Variants in STEAP3 observed in about 807,000 individuals in gnomAD.
STEAP3 encodes metalloreductase STEAP3.
A neutral mutation model predicts 34.9 loss-of-function variants in STEAP3; 35 were observed. That is an observed-to-expected ratio of 1.00 (90% CI 0.76 to 1.33). The LOEUF (loss-of-function observed/expected upper bound fraction) is 1.33. STEAP3 is among the 40% of genes most tolerant of loss of function. STEAP3 has a pLI of 0.00. For synonymous variants in STEAP3, 281 were observed against 301.6 expected, an observed-to-expected ratio of 0.93 and a Z score of 0.71; for missense variants, 652 against 667.6, an observed-to-expected ratio of 0.98 and a Z score of 0.26.
chr2:119,247,076 GTGCTTGGGGATCTGAGGAC>G (rs1677450769), intron 3 of STEAP3, among the ~76,000 whole-genome samples: 1 of 152,176 alleles, frequency 6.6e-6, no homozygotes, highest in African/African-American at 2.4e-5. Context: ...GGCCCACGGG[GTGCTTGGGGATCTGAGGAC>G]TGCAATGTGC....
At chr2:119,250,348 C>T (rs1356142604) in intron 4 of STEAP3, among the ~76,000 whole-genome samples, 1 of 152,258 alleles carries the variant, frequency 6.6e-6, no homozygotes. Flanking sequence ...TCTCCAGCAT[C>T]GCTGACTGGA....
Position 119,249,014 on chromosome 2 carries a change from C to T in STEAP3, c.1050+808C>T, listed in dbSNP as rs112691057. 4.8e-3 allele frequency: 725 copies of T among 152,218 alleles called. 4 individuals are homozygous for T. Among genetic ancestry groups the T allele is most frequent in the Admixed American group, 5.7e-3 (87 of 15,234 alleles). The allele number at this position is 152,218 out of a possible 1,614,324, so 9.4% of individuals were successfully genotyped here. ...GTGAAGCTGGAGTGCATGGAATTGCCGCTGGAATGGCCCCAGGGTTTTGTG... is the reference window on the plus strand; with the variant it reads ...GTGAAGCTGGAGTGCATGGAATTGCTGCTGGAATGGCCCCAGGGTTTTGTG... On this transcript the variant is annotated intron_variant, in intron 4 of 5. Coordinates refer to ENST00000393110, the MANE Select transcript of STEAP3 (RefSeq NM_182915.3).
intron 5 of STEAP3, among the ~76,000 whole-genome samples, chr2:119,260,866 C>A (rs1677922409): frequency 1.3e-5 from 2 of 152,130 alleles, no homozygotes; most frequent in Admixed American, 6.5e-5. Flanking sequence ...TCGTGGTGAG[C>A]CAGAAGTTGT....
intron 4 of STEAP3, among the ~76,000 whole-genome samples, chr2:119,249,605 C>T (rs1400527025): frequency 6.6e-6 from 1 of 152,090 alleles, no homozygotes; most frequent in African/African-American, 2.4e-5. Context: ...GAGGCTGGGC[C>T]CTCCCCTAAA....
In STEAP3 at chr2:119,263,515, G is replaced by A. The variant is rs937482150; in HGVS notation, c.*177G>A. 6.4e-6 allele frequency: 5 copies of A among 786,348 alleles called. No individual in the cohort carries two copies. In the African/African-American group the frequency reaches 8.7e-5, roughly 14 times the overall value. 48.7% of individuals were successfully genotyped at this position (786,348 alleles called of 1,614,324 possible). On this transcript the variant is annotated 3_prime_UTR_variant, in exon 6 of 6. Transcript: ENST00000393110. Reference sequence around the variant, plus strand: ...TATTCAGAATGATATACACACATATGTGTATATGTATTTACATATATTCCA... The same window carrying A: ...TATTCAGAATGATATACACACATATATGTATATGTATTTACATATATTCCA...
intron 2 of STEAP3, among the ~76,000 whole-genome samples, chr2:119,234,512 A>T (rs1164810074): frequency 2.6e-5 from 4 of 152,144 alleles, no homozygotes; most frequent in Non-Finnish European, 5.9e-5. Context: ...TCATCCCCTC[A>T]TTCCAGCACT....
intron 2 of STEAP3, among the ~76,000 whole-genome samples, chr2:119,233,241 T>C (rs935827953): frequency 6.6e-6 from 1 of 152,196 alleles, no homozygotes; most frequent in East Asian, 1.9e-4. Flanking sequence ...CTTCCATGAG[T>C]ACCCCCATAC....
At chr2:119,254,882 G>A in intron 5 of STEAP3, 34 bp downstream of exon 5, 1 of 1,604,126 alleles carries the variant, frequency 6.2e-7, no homozygotes, top group Non-Finnish European at 8.5e-7. Context: ...GCCAGCTTCA[G>A]CGTGGCCCTG....
At chr2:119,255,466 C>T (rs1677748502) in intron 5 of STEAP3, among the ~76,000 whole-genome samples, 1 of 152,136 alleles carries the variant, frequency 6.6e-6, no homozygotes, top group Admixed American at 6.5e-5. Flanking sequence ...TTTACTTCCC[C>T]CTAAGAGATC....
At chr2:119,257,342 G>C in intron 5 of STEAP3, 1 of 1,311,668 alleles carries the variant, frequency 7.6e-7, no homozygotes, top group Non-Finnish European at 9.9e-7. Context: ...AGCCCTCTTG[G>C]AGAAACAGAG....
chr2:119,247,865 T>G lies in STEAP3; in HGVS notation c.709T>G (p.Tyr237Asp). ...LLALGLFVCF[Y>D]AYNFVRDVLQ... ...GGCCCTGGGGCTCTTCGTCTGCTTCTATGCCTACAACTTCGTCCGGGACGT... is the reference window on the plus strand; with the variant it reads ...GGCCCTGGGGCTCTTCGTCTGCTTCGATGCCTACAACTTCGTCCGGGACGT... The change falls in exon 4 of 6, where the codon TAT becomes GAT. Residue 237 changes from tyrosine (Y) to aspartate (D), a missense_variant. Coordinates refer to ENST00000393110, the MANE Select transcript of STEAP3 (RefSeq NM_182915.3). 6.2e-7 allele frequency: 1 copy of G among 1,613,796 alleles called. No individual in the cohort carries two copies. The highest frequency in any genetic ancestry group is 8.5e-7 in the Non-Finnish European group (1 of 1,180,002).
At chr2:119,258,838 G>A (rs1190086475) in intron 5 of STEAP3, among the ~76,000 whole-genome samples, 7 of 147,552 alleles carry the variant, frequency 4.7e-5, no homozygotes, top group Non-Finnish European at 3.0e-5. Context: ...TAGGCAGGAT[G>A]GTCTCAATCT....
intron 2 of STEAP3, chr2:119,244,788 CAA>C: frequency 6.6e-6 from 1 of 152,158 alleles, no homozygotes; most frequent in Non-Finnish European, 1.5e-5. Context: ...TTGGGCTCAG[CAA>C]AGAAGATCAC....
chr2:119,254,829 G>A lies in STEAP3; in HGVS notation c.1196G>A (p.Arg399Lys), dbSNP rs41279768. 3,934 of 1,614,118 alleles carry A rather than the reference G, an allele frequency of 2.4e-3. 6 individuals are homozygous for A. Among genetic ancestry groups the A allele is most frequent in the Non-Finnish European group, 3.1e-3 (3,620 of 1,180,020 alleles). Residue 399 changes from arginine to lysine, a missense_variant, in exon 5 of 6, where the codon AGG becomes AAG. Transcript: ENST00000393110. The stretch of plus-strand genomic sequence containing the variant: ...TCCATTGCAAACTCGCTCAACTGGA[G>A]GGAGTTCAGCTTCGTTCAGGTAAAG... The part of the protein sequence containing the change: ...LPSIANSLNW[R>K]EFSFVQSSLG...
intron 4 of STEAP3, chr2:119,249,201 A>G (rs547740787): frequency 6.6e-6 from 1 of 152,288 alleles, no homozygotes; most frequent in South Asian, 2.1e-4. Context: ...CTAATCATTC[A>G]TTTAGAAAAT....
chr2:119,247,430 G>A (rs1677464235), intron 3 of STEAP3, among the ~76,000 whole-genome samples: 1 of 152,240 alleles, frequency 6.6e-6, no homozygotes, highest in Non-Finnish European at 1.5e-5. Flanking sequence ...CTTACTGTTT[G>A]CAGCTTCCCT....
Position 119,263,776 on chromosome 2 carries a change from G to T in STEAP3, c.*438G>T, listed in dbSNP as rs948169733. 1.4e-4 allele frequency: 44 copies of T among 311,404 alleles called. No homozygotes were observed. Among genetic ancestry groups the T allele is most frequent in the Middle Eastern group, 2.3e-3 (2 of 880 alleles). The allele number at this position is 311,404 out of a possible 1,614,324, so 19.3% of individuals were successfully genotyped here. A position where few individuals can be genotyped will look rare whatever the true frequency, so the allele number is the denominator to read the frequency against. On this transcript the variant is annotated 3_prime_UTR_variant, in exon 6 of 6. Transcript: ENST00000393110. ...ACTTCCCTTTTGCTACTTCCCCAAG[G>T]CTCTTGCAGAGCTAGGGCTCTGAAG...
At chr2:119,246,514 C>G (rs745350853) in intron 3 of STEAP3, 1 of 155,564 alleles carries the variant, frequency 6.4e-6, no homozygotes, top group African/African-American at 2.4e-5. Context: ...TTTCTTGCCA[C>G]GAGGAGCTCT....
chr2:119,228,480 G>A (rs1268510330), intron 1 of STEAP3, among the ~76,000 whole-genome samples: 1 of 152,232 alleles, frequency 6.6e-6, no homozygotes, highest in African/African-American at 2.4e-5. Context: ...AAAGGCCAGA[G>A]CAGCTGCGGG....
Sources: gnomAD v4.1 joint callset for allele counts (sites outside exome capture counted in the v4.1 genomes callset) on GRCh38, gnomAD v4.1.1 for gene constraint, MANE v1.5 for transcripts, NCBI Gene and HGNC (gene_info 2026-07-23, HGNC 2026-07-21) for gene names.